Variants in ZBTB6 observed in about 807,000 individuals in gnomAD.
ZBTB6 encodes the protein zinc finger and BTB domain-containing protein 6.
A neutral mutation model predicts 30.6 loss-of-function variants in ZBTB6; 11 were observed. That is an observed-to-expected ratio of 0.36 (90% CI 0.23 to 0.60). The LOEUF (loss-of-function observed/expected upper bound fraction) is 0.60. Ranked by LOEUF, ZBTB6 falls within the 20% of genes least tolerant of loss-of-function variation. The probability of loss-of-function intolerance (pLI) is 0.75; values close to 1 mark genes in which losing one functional copy is unlikely to be tolerated. For synonymous variants in ZBTB6, 174 were observed against 172.0 expected (o/e 1.01, Z -0.09); for missense variants, 380 against 489.4 (o/e 0.78, Z 2.11).
Position 122,913,314 on chromosome 9 carries a change from A to C in ZBTB6, c.-73T>G. ...TCTGCCCAAGCCGGAAGATGGACTTAGCCTGGAAGAAAACACATCCGGTGC... is the reference window on the plus strand; with the variant it reads ...TCTGCCCAAGCCGGAAGATGGACTTCGCCTGGAAGAAAACACATCCGGTGC... On this transcript the variant is annotated 5_prime_UTR_variant, in exon 1 of 2. Transcript: ENST00000373659. The C allele has an allele frequency of 2.0e-6, 2 of 985,936 alleles. No homozygotes were observed. The highest frequency in any genetic ancestry group is 5.2e-4 in the Middle Eastern group (1 of 1,916). The allele number at this position is 985,936 out of a possible 1,614,324, so 61.1% of individuals were successfully genotyped here.
Position 122,911,253 on chromosome 9 carries a change from C to A in ZBTB6, c.820G>T (p.Gly274Cys). 6.2e-7 allele frequency: 1 copy of A among 1,614,130 alleles called. No homozygotes were observed. The highest frequency in any genetic ancestry group is 8.5e-7 in the Non-Finnish European group (1 of 1,180,032). The change falls in exon 2 of 2, where the codon GGC (glycine) becomes TGC (cysteine). Residue 274 changes from glycine to cysteine, a missense_variant. Transcript: ENST00000373659. This position sits in a 1 kb window ranked among gnomAD's most constrained non-coding sequence, Gnocchi z 4.5. ...VAEVPGNQDQ[G>C]LFCENTEGSY... ...CCTTCAGTATTCTCACAAAATAAGC[C>A]CTGATCTTGATTCCCAGGAACTTCA... is the stretch of plus-strand genomic sequence containing the variant.
Position 122,911,036 on chromosome 9 carries a change from C to T in ZBTB6, c.1037G>A (p.Arg346Gln), listed in dbSNP as rs1588126120. ...TQKKNLNRHI[R>Q]GHMGIRPFQC... Reference sequence around the variant, plus strand: ...AAAGGGCCGTATGCCCATGTGTCCTCGGATGTGTCGGTTGAGATTTTTCTT... The same window carrying T: ...AAAGGGCCGTATGCCCATGTGTCCTTGGATGTGTCGGTTGAGATTTTTCTT... Residue 346 changes from arginine to glutamine, a missense_variant, in exon 2 of 2, where the codon CGA becomes CAA. Transcript: ENST00000373659. This position sits in a 1 kb window ranked among gnomAD's most constrained non-coding sequence, Gnocchi z 4.5. The T allele has an allele frequency of 3.1e-6, 5 of 1,614,092 alleles. No individual in the cohort carries two copies. The highest frequency in any genetic ancestry group is 2.2e-5 in the East Asian group (1 of 44,904).
chr9:122,910,973 CT>C lies in ZBTB6; in HGVS notation c.1099del (p.Ser367AlafsTer7). On this transcript the variant is annotated frameshift_variant, in exon 2 of 2. Transcript: ENST00000373659. LOFTEE classifies it high-confidence loss of function. ...TATGTTCAAGTGGTCCTGAAGTGTG[CT>C]TTTGGCAGTAAATGTCTTCAAGCAC... ...TVCLKTFTAK[S>X]TLQDHLNIHS... is the part of the protein sequence containing the mutation. 6.2e-7 allele frequency: 1 copy of C among 1,614,142 alleles called. No homozygotes were observed. The highest frequency in any genetic ancestry group is 8.5e-7 in the Non-Finnish European group (1 of 1,180,036).
At chr9:122,912,660 T>C (rs1454188556) in intron 1 of ZBTB6, among the ~76,000 whole-genome samples, 2 of 152,160 alleles carry the variant, frequency 1.3e-5, no homozygotes, top group Non-Finnish European at 2.9e-5. Flanking sequence ...CTGCTTTAAA[T>C]CTTCTATCGT....
chr9:122,910,895 T>G lies in ZBTB6; in HGVS notation c.1178A>C (p.His393Pro). ...KCHCCDMDFK[H>P]KSALKKHLTS... ...TAAGTGCTTTTTGAGAGCAGACTTG[T>G]GCTTGAAATCCATATCACAACAGTG... is the stretch of plus-strand genomic sequence containing the variant. The change falls in exon 2 of 2, where the codon CAC becomes CCC. Residue 393 changes from histidine to proline, a missense_variant. Coordinates refer to ENST00000373659, the MANE Select transcript of ZBTB6 (RefSeq NM_006626.6). The G allele has an allele frequency of 6.2e-7, 1 of 1,614,204 alleles. No individual in the cohort carries two copies. The highest frequency in any genetic ancestry group is 8.5e-7 in the Non-Finnish European group (1 of 1,180,026).
chr9:122,913,171 C>A (rs946554123), intron 1 of ZBTB6, 80 bp downstream of exon 1: 6 of 864,068 alleles, frequency 6.9e-6, no homozygotes, highest in Admixed American at 6.2e-5. Flanking sequence ...CACTCCGGGG[C>A]CGAGCCCAGC....
Position 122,910,718 on chromosome 9 carries a change from T to C in ZBTB6, c.*80A>G. Reference sequence around the variant, plus strand: ...AGAAACAAAGATTGGGGGGATGAAATATTACAAATGCTGCATCTCTACAGA... The same window carrying C: ...AGAAACAAAGATTGGGGGGATGAAACATTACAAATGCTGCATCTCTACAGA... On this transcript the variant is annotated 3_prime_UTR_variant, in exon 2 of 2. Coordinates refer to ENST00000373659, the MANE Select transcript of ZBTB6 (RefSeq NM_006626.6). 7.7e-7 allele frequency: 1 copy of C among 1,306,976 alleles called. No individual in the cohort carries two copies. The highest frequency in any genetic ancestry group is 2.5e-5 in the East Asian group (1 of 40,322). 81.0% of individuals were successfully genotyped at this position (1,306,976 alleles called of 1,614,324 possible). A position where few individuals can be genotyped will look rare whatever the true frequency, so the allele number is the denominator to read the frequency against.
Position 122,910,675 on chromosome 9 carries a change from G to A in ZBTB6, c.*123C>T. On this transcript the variant is annotated 3_prime_UTR_variant, in exon 2 of 2. Transcript: ENST00000373659. ...AGAAGTTCAGAAAGAATGATTATGT[G>A]TAAGCCGACAAAATATAAGAAACAA... is the stretch of plus-strand genomic sequence containing the variant. 1 of 1,024,514 alleles carries A rather than the reference G, an allele frequency of 9.8e-7. No homozygotes were observed. Among genetic ancestry groups the A allele is most frequent in the Non-Finnish European group, 1.4e-6 (1 of 720,660 alleles). The allele number at this position is 1,024,514 out of a possible 1,614,324, so 63.5% of individuals were successfully genotyped here. A position where few individuals can be genotyped will look rare whatever the true frequency, so the allele number is the denominator to read the frequency against.
rs745627472 is a variant in ZBTB6 at position 122,912,059 on chromosome 9, G to A, written c.14C>T (p.Ser5Phe). MAAE[S>F]DVLHFQFEQQ... is the part of the protein sequence containing the mutation. ...TTCAAACTGGAAATGCAGAACATCAGACTCAGCAGCCATGATCACAATCTA... is the reference window on the plus strand; with the variant it reads ...TTCAAACTGGAAATGCAGAACATCAAACTCAGCAGCCATGATCACAATCTA... Residue 5 changes from serine to phenylalanine, a missense_variant, in exon 2 of 2, where the codon TCT becomes TTT. Transcript: ENST00000373659. 1 of 1,611,984 alleles carries A rather than the reference G, an allele frequency of 6.2e-7. No homozygotes were observed. The highest frequency in any genetic ancestry group is 8.5e-7 in the Non-Finnish European group (1 of 1,178,710).
rs1480699187 is a variant in ZBTB6, at chr9:122,910,926, T to C, written c.1147A>G (p.Lys383Glu). 4.3e-6 allele frequency: 7 copies of C among 1,614,074 alleles called. No homozygotes were observed. The highest frequency in any genetic ancestry group is 5.9e-6 in the Non-Finnish European group (7 of 1,180,018). ...AAATCCATATCACAACAGTGGCATT[T>C]GTATGGCCGATCCCCACTGTGTATG... Reference protein sequence around the residue: ...LNIHSGDRPYKCHCCDMDFKH... With the variant: ...LNIHSGDRPYECHCCDMDFKH... The change falls in exon 2 of 2, where the codon AAA becomes GAA. Residue 383 changes from lysine (K) to glutamate (E), a missense_variant. By Grantham distance (56) the Lys-to-Glu change is moderately conservative. Coordinates refer to ENST00000373659, the MANE Select transcript of ZBTB6 (RefSeq NM_006626.6).
rs1832953084 is a variant in ZBTB6, at chr9:122,911,400, T to TCA, written c.672_673insTG (p.Ile225Ter). On this transcript the variant is annotated frameshift_variant, in exon 2 of 2. Coordinates refer to ENST00000373659, the MANE Select transcript of ZBTB6 (RefSeq NM_006626.6). LOFTEE classifies it high-confidence loss of function. The surrounding 1 kb of genome is among the most constrained non-coding windows in gnomAD (Gnocchi z 4.5). Reference sequence around the variant, plus strand: ...CCATTTTCGACACCAGCTGTACTGATGGATTCTACATGAAGGATACAAATT... The same window carrying TCA: ...CCATTTTCGACACCAGCTGTACTGATCAGGATTCTACATGAAGGATACAAATT... 6.2e-7 allele frequency: 1 copy of TCA among 1,614,054 alleles called. No homozygotes were observed. Among genetic ancestry groups the TCA allele is most frequent in the Admixed American group, 1.7e-5 (1 of 60,010 alleles).
rs1832956547 is a variant in ZBTB6, at chr9:122,911,744, AG to A, written c.328del (p.Leu110PhefsTer24). ...CTTTTCCACAATGTGAACCATCTGA[AG>A]GTAACTGGCAGCAGTCAAGTATTTC... ...LLKYLTAASY[L>X]QMVHIVEKCT... is the part of the protein sequence containing the mutation. On this transcript the variant is annotated frameshift_variant, in exon 2 of 2. Coordinates refer to ENST00000373659, the MANE Select transcript of ZBTB6 (RefSeq NM_006626.6). LOFTEE classifies it high-confidence loss of function. This position sits in a 1 kb window ranked among gnomAD's most constrained non-coding sequence, Gnocchi z 4.5. 1 of 1,614,086 alleles carries A rather than the reference AG, an allele frequency of 6.2e-7. No homozygotes were observed. The highest frequency in any genetic ancestry group is 1.3e-5 in the African/African-American group (1 of 74,940).
At position 122,909,294 on chromosome 9, in the gene ZBTB6, AGAG is replaced by A. The variant is rs1266145233; in HGVS notation, c.*1501_*1503del. 2.0e-5 allele frequency: 3 copies of A among 152,246 alleles called. No individual in the cohort carries two copies. The highest frequency in any genetic ancestry group is 2.0e-4 in the Admixed American group (3 of 15,288). The allele number at this position is 152,246 out of a possible 1,614,324, so 9.4% of individuals were successfully genotyped here. A position where few individuals can be genotyped will look rare whatever the true frequency, so the allele number is the denominator to read the frequency against. ...AATTCTACATAAAGCTAAGTTAACT[AGAG>A]GAGGACTAGAACAGCTTCAAAGAAA... On this transcript the variant is annotated 3_prime_UTR_variant, in exon 2 of 2. Transcript: ENST00000373659.
rs542093575 is a variant in ZBTB6, at chr9:122,910,840, T to C, written c.1233A>G (p.Glu411=). Residue 411 remains glutamate (E), a synonymous_variant, in exon 2 of 2, where the codon GAA becomes GAG. Transcript: ENST00000373659. ...TTTTGAGATCAGGCCTAGATAGTTT[T>C]TCACCACTGCTTCTGCCATGGACAG... ...LTSVHGRSSG[E]KLSRPDLKRQ... 5 of 1,614,132 alleles carry C rather than the reference T, an allele frequency of 3.1e-6. No individual in the cohort carries two copies. Among genetic ancestry groups the C allele is most frequent in the African/African-American group, 1.3e-5 (1 of 75,068 alleles).
chr9:122,913,105 C>A (rs1588126722), intron 1 of ZBTB6, 146 bp downstream of exon 1: 3 of 255,672 alleles, frequency 1.2e-5, no homozygotes, highest in Non-Finnish European at 1.8e-5. Flanking sequence ...ATTCTGGAGG[C>A]AACCCTGCGA....
Position 122,912,120 on chromosome 9 carries a change from T to G in ZBTB6, c.-9-39A>C, listed in dbSNP as rs367989848. 2.3e-5 allele frequency: 35 copies of G among 1,547,590 alleles called. No homozygotes were observed. In the African/African-American group the frequency reaches 4.4e-4, roughly 19 times the overall value. ...AACACAAACATTGATGTAATAAGGATAGGGAATGCTTTCCCATGCTGTAAT... is the reference window on the plus strand; with the variant it reads ...AACACAAACATTGATGTAATAAGGAGAGGGAATGCTTTCCCATGCTGTAAT... On this transcript the variant is annotated intron_variant, in intron 1 of 1. Transcript: ENST00000373659.
chr9:122,911,291 T>C lies in ZBTB6; in HGVS notation c.782A>G (p.Glu261Gly). 1.2e-6 allele frequency: 2 copies of C among 1,614,172 alleles called. No homozygotes were observed. Among genetic ancestry groups the C allele is most frequent in the Non-Finnish European group, 1.7e-6 (2 of 1,180,030 alleles). Residue 261 changes from glutamate to glycine, a missense_variant, in exon 2 of 2, where the codon GAG becomes GGG. Glu to Gly is a moderately conservative substitution (Grantham distance 98, BLOSUM62 -2). Coordinates refer to ENST00000373659, the MANE Select transcript of ZBTB6 (RefSeq NM_006626.6). This position sits in a 1 kb window ranked among gnomAD's most constrained non-coding sequence, Gnocchi z 4.5. ...CCCAGGAACTTCAGCCACTCTGCTC[T>C]CAACTGTAGAATTGATCAATGAATG... ...TQHSLINSTV[E>G]SRVAEVPGNQ...
chr9:122,912,197 A>C, intron 1 of ZBTB6, 116 bp from the exon 2 acceptor site: 5 of 1,040,486 alleles, frequency 4.8e-6, no homozygotes, highest in Non-Finnish European at 5.6e-6. Flanking sequence ...AGAAGACTCA[A>C]AGTCTAATGT....
rs1339968484 is a variant in ZBTB6 at position 122,911,228 on chromosome 9, C to G, written c.845G>C (p.Gly282Ala). The change falls in exon 2 of 2, where the codon GGA becomes GCA. Residue 282 changes from glycine (G) to alanine (A), a missense_variant. Gly to Ala is a moderately conservative substitution (Grantham distance 60). Transcript: ENST00000373659. This position sits in a 1 kb window ranked among gnomAD's most constrained non-coding sequence, Gnocchi z 4.5. ...DQGLFCENTE[G>A]SYGTVSEIQN... Reference sequence around the variant, plus strand: ...AATCTCACTCACTGTACCATAACTTCCTTCAGTATTCTCACAAAATAAGCC... The same window carrying G: ...AATCTCACTCACTGTACCATAACTTGCTTCAGTATTCTCACAAAATAAGCC... 1.2e-6 allele frequency: 2 copies of G among 1,614,208 alleles called. No homozygotes were observed. The highest frequency in any genetic ancestry group is 1.7e-6 in the Non-Finnish European group (2 of 1,180,042).
Sources: gnomAD v4.1 joint callset for allele counts (sites outside exome capture counted in the v4.1 genomes callset) on GRCh38, gnomAD v4.1.1 for gene constraint, Gnocchi (gnomAD v3.1) non-coding constraint, MANE v1.5 for transcripts, NCBI Gene and HGNC (gene_info 2026-07-23, HGNC 2026-07-21) for gene names.